The following KIF26A variants were observed in gnomAD, a reference collection of about 807,000 sequenced individuals.
KIF26A encodes the protein kinesin-like protein KIF26A.
A neutral mutation model predicts 126.0 loss-of-function variants in KIF26A; 74 were observed. The ratio of observed to expected loss-of-function variants is 0.59; its 90% confidence interval spans 0.49 to 0.71. The LOEUF (loss-of-function observed/expected upper bound fraction) is 0.71, where lower values mean the gene tolerates loss of function less well. KIF26A is among the 30% of genes least tolerant of loss of function. KIF26A has a pLI of 0.00. For missense variants in KIF26A, 2,984 were observed against 2,763.3 expected, an observed-to-expected ratio of 1.08 and a Z score of -1.79; for synonymous variants, 1,445 against 1,232.7, an observed-to-expected ratio of 1.17 and a Z score of -3.61.
Position 104,179,351 on chromosome 14 carries a change from G to T in KIF26A, c.5432G>T (p.Arg1811Leu). 6.5e-7 allele frequency: 1 copy of T among 1,537,928 alleles called. No homozygotes were observed. The highest frequency in any genetic ancestry group is 8.7e-7 in the Non-Finnish European group (1 of 1,145,352). The change falls in exon 14 of 15, where the codon CGG becomes CTG. Residue 1811 changes from arginine (R) to leucine (L), a missense_variant. By Grantham distance (102) the Arg-to-Leu change is moderately radical. Transcript: ENST00000423312. The part of the protein sequence containing the change: ...LCEELAETQG[R>L]LMLEPGRWLE... ...GAGGAGCTGGCCGAGACCCAGGGCC[G>T]GCTGATGCTGGAGCCTGGCCGCTGG... is the stretch of plus-strand genomic sequence containing the variant.
At chr14:104,165,767 G>A (rs74215536) in intron 4 of KIF26A, among the ~76,000 whole-genome samples, 4 of 148,854 alleles carry the variant, frequency 2.7e-5, no homozygotes, top group Non-Finnish European at 4.4e-5. Flanking sequence ...CTGTATGCAT[G>A]TGTGTGACTG....
Position 104,164,965 on chromosome 14 carries a change from CTA to C in KIF26A, c.924-1892_924-1891del, listed in dbSNP as rs538150420. ...CGTGTTTCTGTATGCATATGTGTCT[CTA>C]TGTGTGCGTCTCTGTGTGTGTTTCT... On this transcript the variant is annotated intron_variant, in intron 4 of 14. Transcript: ENST00000423312. 2.6e-3 allele frequency among the ~76,000 whole-genome samples: 385 copies of C among 150,532 alleles called. 1 individual carries two copies. Among genetic ancestry groups the C allele is most frequent in the African/African-American group, 4.0e-3 (163 of 40,880 alleles).
intron 1 of KIF26A, 73 bp downstream of exon 1, chr14:104,138,837 G>T: frequency 1.1e-5 from 14 of 1,260,574 alleles, no homozygotes; most frequent in South Asian, 3.0e-5. Flanking sequence ...CGCGGTGTGC[G>T]CTGGATCCCT....
intron 11 of KIF26A, 112 bp downstream of exon 11, chr14:104,174,422 G>T (rs1227294414): frequency 9.0e-7 from 1 of 1,115,076 alleles, no homozygotes. Context: ...CTGGAGCCTG[G>T]GTAGATGTCC....
At position 104,167,033 on chromosome 14, in the gene KIF26A, T is replaced by C. The variant is rs749734264; in HGVS notation, c.1098T>C (p.Pro366=). The change falls in exon 5 of 15, where the codon CCT becomes CCC. Residue 366 remains proline, a synonymous_variant. Coordinates refer to ENST00000423312, the MANE Select transcript of KIF26A (RefSeq NM_015656.2). ...CCGCCTCCAAGACCAAGGACAACCC[T>C]GGCAGCATCGGGAAGGTAGACGCAG... ...LRAASKTKDN[P]GSIGKVKVML... 2.9e-5 allele frequency: 45 copies of C among 1,565,108 alleles called. No individual in the cohort carries two copies. Among genetic ancestry groups the C allele is most frequent in the Admixed American group, 3.7e-5 (2 of 53,564 alleles).
At chr14:104,173,964 C>T in intron 10 of KIF26A, 96 bp downstream of exon 10, 6 of 1,448,840 alleles carry the variant, frequency 4.1e-6, no homozygotes, top group Non-Finnish European at 5.5e-6. Flanking sequence ...TGGCCCCCAG[C>T]TCCTCAGGGC....
chr14:104,168,950 C>T (rs1472351526), intron 5 of KIF26A, among the ~76,000 whole-genome samples: 2 of 151,980 alleles, frequency 1.3e-5, no homozygotes, highest in East Asian at 1.9e-4. Flanking sequence ...TGGGGGTCTG[C>T]GGGGAACAAG....
chr14:104,154,143 A>T (rs903032519), intron 3 of KIF26A, among the ~76,000 whole-genome samples: 3 of 152,126 alleles, frequency 2.0e-5, no homozygotes, highest in Non-Finnish European at 4.4e-5. Flanking sequence ...CTCTAGAGTT[A>T]AATACTTGTG....
At chr14:104,149,470 G>A (rs2037707814) in intron 2 of KIF26A, among the ~76,000 whole-genome samples, 1 of 152,202 alleles carries the variant, frequency 6.6e-6, no homozygotes, top group African/African-American at 2.4e-5. Flanking sequence ...TGTCCCCAGT[G>A]GGGGCTTCAG....
Position 104,173,139 on chromosome 14 carries a change from A to G in KIF26A, c.1583A>G (p.Gln528Arg). 3 of 1,610,242 alleles carry G rather than the reference A, an allele frequency of 1.9e-6. No homozygotes were observed. Among genetic ancestry groups the G allele is most frequent in the Non-Finnish European group, 2.5e-6 (3 of 1,179,034 alleles). ...VSAVEVCGRD[Q>R]SLRDLLAEVA... ...GCCGTGGAGGTGTGCGGGCGCGACC[A>G]GAGCCTGCGGGACCTGCTGGCCGAG... is the stretch of plus-strand genomic sequence containing the variant. Residue 528 changes from glutamine (Q) to arginine (R), a missense_variant, in exon 8 of 15, where the codon CAG becomes CGG. By Grantham distance (43) the Gln-to-Arg change is conservative. Transcript: ENST00000423312.
At position 104,177,527 on chromosome 14, in the gene KIF26A, G is replaced by A; in HGVS notation, c.4739G>A (p.Gly1580Asp). 1 of 1,536,236 alleles carries A rather than the reference G, an allele frequency of 6.5e-7. No individual in the cohort carries two copies. The highest frequency in any genetic ancestry group is 8.7e-7 in the Non-Finnish European group (1 of 1,146,702). Residue 1580 changes from glycine to aspartate, a missense_variant, in exon 12 of 15, where the codon GGC (glycine) becomes GAC (aspartate). By Grantham distance (94) the Gly-to-Asp change is moderately conservative. Coordinates refer to ENST00000423312, the MANE Select transcript of KIF26A (RefSeq NM_015656.2). The stretch of plus-strand genomic sequence containing the variant: ...GCCAGTGGAGCCCCGGGCCGAGGTG[G>A]CTCCTCGTGGGGCTCGGCGGACTCA... ...LSASGAPGRG[G>D]SSWGSADSDS...
At chr14:104,143,305 G>A (rs916426884) in intron 2 of KIF26A, among the ~76,000 whole-genome samples, 1 of 152,308 alleles carries the variant, frequency 6.6e-6, no homozygotes, top group African/African-American at 2.4e-5. Flanking sequence ...GCGAAGCTCC[G>A]GGTGGCCCCT....
chr14:104,164,979 CTG>C (rs757409600), intron 4 of KIF26A, among the ~76,000 whole-genome samples: 5 of 150,934 alleles, frequency 3.3e-5, no homozygotes, highest in African/African-American at 4.9e-5. Flanking sequence ...GTGTGCGTCT[CTG>C]TGTGTGTTTC....
chr14:104,163,864 C>T (rs938296601), intron 4 of KIF26A, among the ~76,000 whole-genome samples: 7 of 152,100 alleles, frequency 4.6e-5, no homozygotes, highest in South Asian at 2.1e-4. Context: ...CCCGAGGCGG[C>T]GGGTGGGCTT....
Position 104,166,929 on chromosome 14 carries a change from G to T in KIF26A, c.994G>T (p.Gly332Cys). ...CCCGCCACCGCCTCCAGCCACCCGC[G>T]GCACCTCCACCTACCCCACCGACTT... is the stretch of plus-strand genomic sequence containing the variant. The part of the protein sequence containing the change: ...PHPPPPPATR[G>C]TSTYPTDFSG... Residue 332 changes from glycine (G) to cysteine (C), a missense_variant, in exon 5 of 15, where the codon GGC (glycine) becomes TGC (cysteine). Gly to Cys is a radical substitution (Grantham distance 159). Transcript: ENST00000423312. The T allele has an allele frequency of 6.3e-7, 1 of 1,593,666 alleles. No individual in the cohort carries two copies. The highest frequency in any genetic ancestry group is 8.5e-7 in the Non-Finnish European group (1 of 1,171,274).
At chr14:104,156,285 G>C (rs2037776659) in intron 3 of KIF26A, among the ~76,000 whole-genome samples, 1 of 152,250 alleles carries the variant, frequency 6.6e-6, no homozygotes, top group African/African-American at 2.4e-5. Flanking sequence ...CACTTGAGGT[G>C]AGGGAGTGGC....
chr14:104,138,640 CG>C lies in KIF26A; in HGVS notation c.-79del. On this transcript the variant is annotated 5_prime_UTR_variant, in exon 1 of 15. It removes the in-frame stop codon of an upstream open reading frame in the 5' UTR. Transcript: ENST00000423312. Reference sequence around the variant, plus strand: ...GCTGGGCCGGGCCATGGGGGCGCCTCGGGGCCGGATCACGTAGCCGCGGCGC... The same window carrying C: ...GCTGGGCCGGGCCATGGGGGCGCCTCGGGCCGGATCACGTAGCCGCGGCGC... 1.8e-6 allele frequency: 2 copies of C among 1,128,824 alleles called. No homozygotes were observed. Among genetic ancestry groups the C allele is most frequent in the Non-Finnish European group, 2.2e-6 (2 of 896,640 alleles). The allele number at this position is 1,128,824 out of a possible 1,614,324, so 69.9% of individuals were successfully genotyped here.
At chr14:104,156,616 G>A (rs959201285) in intron 3 of KIF26A, among the ~76,000 whole-genome samples, 2 of 137,084 alleles carry the variant, frequency 1.5e-5, no homozygotes, top group African/African-American at 5.9e-5. Flanking sequence ...GGCAGGGTGA[G>A]CCGGCCATGG....
chr14:104,175,620 CAGG>C lies in KIF26A; in HGVS notation c.2836_2838del (p.Arg946del). ...CGGAAAAGGCTGCAGTGAGTGGAGG[CAGG>C]AGGCCACTGCCCAGCCCGGCTCCCC... On this transcript the variant is annotated inframe_deletion, in exon 12 of 15. Transcript: ENST00000423312. 1.2e-6 allele frequency: 2 copies of C among 1,610,964 alleles called. No individual in the cohort carries two copies. Among genetic ancestry groups the C allele is most frequent in the South Asian group, 2.2e-5 (2 of 91,018 alleles).
Sources: allele counts gnomAD v4.1 joint callset (sites outside exome capture counted in the v4.1 genomes callset), GRCh38; gene constraint gnomAD v4.1.1; transcripts MANE v1.5; gene names NCBI Gene and HGNC (gene_info 2026-07-23, HGNC 2026-07-21).